The following PPP1R1C variants were observed in gnomAD, a reference collection of about 807,000 sequenced individuals.
PPP1R1C encodes protein phosphatase 1 regulatory inhibitor subunit 1C.
PPP1R1C carries 15 observed loss-of-function variants against 17.4 expected under a neutral mutation model. The ratio of observed to expected loss-of-function variants is 0.86; its 90% confidence interval spans 0.58 to 1.33. The LOEUF (loss-of-function observed/expected upper bound fraction) is 1.33. Among genes scored for constraint, PPP1R1C ranks in the 40% most tolerant of loss-of-function variants. PPP1R1C has a pLI of 0.00. For synonymous variants in PPP1R1C, 35 were observed against 43.1 expected (o/e 0.81, Z 0.73); for missense variants, 143 against 130.0 (o/e 1.10, Z -0.48).
chr2:182,029,130 G>A (rs1686725478), intron 2 of PPP1R1C, among the ~76,000 whole-genome samples: 1 of 143,732 alleles, frequency 7.0e-6, no homozygotes, highest in Admixed American at 6.9e-5. Context: ...TGGGTTTCCT[G>A]AATACAGCAC....
At chr2:181,993,969 G>T (rs904393182) in intron 2 of PPP1R1C, among the ~76,000 whole-genome samples, 2 of 151,906 alleles carry the variant, frequency 1.3e-5, no homozygotes, top group Non-Finnish European at 2.9e-5. Flanking sequence ...TCCAGATGAT[G>T]TTAGTCATTG....
chr2:182,052,931 C>A (rs1200775176), intron 2 of PPP1R1C, among the ~76,000 whole-genome samples: 2 of 152,106 alleles, frequency 1.3e-5, no homozygotes, highest in African/African-American at 2.4e-5. Context: ...TGTTTGAATT[C>A]TAAACAAAAT....
At chr2:182,069,712 G>A (rs1253961665) in intron 4 of PPP1R1C, among the ~76,000 whole-genome samples, 4 of 152,038 alleles carry the variant, frequency 2.6e-5, no homozygotes, top group African/African-American at 7.2e-5. Flanking sequence ...CTATATATAT[G>A]TTAACCTATT....
intron 2 of PPP1R1C, among the ~76,000 whole-genome samples, chr2:182,026,387 T>C (rs1159104701): frequency 1.4e-5 from 2 of 139,836 alleles, no homozygotes; most frequent in Non-Finnish European, 3.2e-5. Context: ...GATTTTTGTA[T>C]AAGGTGTAAG....
intron 4 of PPP1R1C, 104 bp from the exon 5 acceptor site, chr2:182,117,103 A>G: frequency 1.2e-6 from 1 of 800,736 alleles, no homozygotes; most frequent in East Asian, 2.7e-5. Flanking sequence ...ACATATAAAC[A>G]CCAAATGAAA....
intron 1 of PPP1R1C, among the ~76,000 whole-genome samples, chr2:181,955,364 A>AAGGG (rs1273283544): frequency 6.6e-6 from 1 of 152,242 alleles, no homozygotes; most frequent in Admixed American, 6.5e-5. Context: ...AAAATTACTT[A>AAGGG]AGGGAGACCA....
At chr2:181,955,050 T>A (rs1684648754) in intron 1 of PPP1R1C, among the ~76,000 whole-genome samples, 1 of 152,216 alleles carries the variant, frequency 6.6e-6, no homozygotes, top group Non-Finnish European at 1.5e-5. Context: ...TGATGACTTA[T>A]TATTCCATTT....
downstream of PPP1R1C, among the ~76,000 whole-genome samples, chr2:182,119,656 GTGA>G (rs1689683250): frequency 6.6e-6 from 1 of 152,210 alleles, no homozygotes. Flanking sequence ...CTGATGGCCA[GTGA>G]TGATGAGCAT....
chr2:182,062,425 T>G (rs1356852285), intron 3 of PPP1R1C, among the ~76,000 whole-genome samples: 1 of 152,072 alleles, frequency 6.6e-6, no homozygotes, highest in African/African-American at 2.4e-5. Flanking sequence ...ATATTAAAAA[T>G]CCCTAAACTG....
At position 182,055,898 on chromosome 2, in the gene PPP1R1C, C is replaced by T. The variant is rs1224766744; in HGVS notation, c.143-5544C>T. ...ATTCCTAAAAAAGAATTTTCATTTT[C>T]TTCTTATGTTTTGAAATTTTAATTT... On this transcript the variant is annotated intron_variant, in intron 2 of 4. Coordinates refer to ENST00000682840, the MANE Select transcript of PPP1R1C (RefSeq NM_001080545.3). Among the ~76,000 whole-genome samples the T allele has an allele frequency of 6.6e-5, 10 of 152,144 alleles. No homozygotes were observed. The East Asian group carries it at 1.7e-3, about 26-fold the overall frequency.
chr2:182,061,882 G>A (rs1687860820), intron 3 of PPP1R1C, among the ~76,000 whole-genome samples: 1 of 152,058 alleles, frequency 6.6e-6, no homozygotes, highest in Non-Finnish European at 1.5e-5. Context: ...TGAGGCCAGA[G>A]TCTAGGGGGA....
chr2:182,085,104 T>C (rs1688587934), intron 4 of PPP1R1C, among the ~76,000 whole-genome samples: 2 of 152,034 alleles, frequency 1.3e-5, no homozygotes, highest in Admixed American at 6.6e-5. Flanking sequence ...CATATAGTGA[T>C]ACTGATTTGT....
intron 5 of PPP1R1C, among the ~76,000 whole-genome samples, chr2:182,124,660 T>C (rs530725192): frequency 7.4e-4 from 113 of 152,284 alleles, no homozygotes; most frequent in African/African-American, 2.2e-3. Context: ...TTTGTAGCAA[T>C]TGTGAATGGG....
intron 2 of PPP1R1C, among the ~76,000 whole-genome samples, chr2:182,038,790 A>G (rs1204948694): frequency 1.3e-5 from 2 of 152,226 alleles, no homozygotes; most frequent in Admixed American, 1.3e-4. Context: ...CTCATCAGGA[A>G]TGTAGTGCTC....
chr2:182,088,767 GT>G (rs1365640362), intron 4 of PPP1R1C, among the ~76,000 whole-genome samples: 1 of 152,130 alleles, frequency 6.6e-6, no homozygotes, highest in Non-Finnish European at 1.5e-5. Context: ...AGTCCTATGT[GT>G]TTGGTTTAAT....
At chr2:182,088,959 T>C (rs768914379) in intron 4 of PPP1R1C, among the ~76,000 whole-genome samples, 91 of 152,160 alleles carry the variant, frequency 6.0e-4, no homozygotes, top group Non-Finnish European at 1.2e-3. Flanking sequence ...AACTAGAAAC[T>C]CTAGGCCTTT....
At chr2:182,054,254 G>T (rs1342239633) in intron 2 of PPP1R1C, among the ~76,000 whole-genome samples, 1 of 152,104 alleles carries the variant, frequency 6.6e-6, no homozygotes, top group Non-Finnish European at 1.5e-5. Context: ...CTTTCACTGA[G>T]TTTTCTGTAA....
intron 2 of PPP1R1C, among the ~76,000 whole-genome samples, chr2:182,050,618 G>A (rs1280349305): frequency 1.3e-5 from 2 of 152,092 alleles, no homozygotes; most frequent in African/African-American, 2.4e-5. Flanking sequence ...GTAGCAATAA[G>A]TCATCCACTG....
chr2:182,080,893 C>T (rs774850189), intron 4 of PPP1R1C, among the ~76,000 whole-genome samples: 5 of 152,112 alleles, frequency 3.3e-5, no homozygotes, highest in African/African-American at 4.8e-5. Context: ...AAGGTACATA[C>T]TCATAAGGTT....
Sources: allele counts gnomAD v4.1 joint callset (sites outside exome capture counted in the v4.1 genomes callset), GRCh38; gene constraint gnomAD v4.1.1; transcripts MANE v1.5; gene names NCBI Gene and HGNC (gene_info 2026-07-23, HGNC 2026-07-21).